The following CHRM3 variants were observed in gnomAD, a reference collection of about 807,000 sequenced individuals.
CHRM3 encodes muscarinic acetylcholine receptor M3.
A neutral mutation model predicts 41.8 loss-of-function variants in CHRM3; 11 were observed. The ratio of observed to expected loss-of-function variants is 0.26; its 90% CI spans 0.17 to 0.44. The LOEUF is 0.44. Among genes scored for constraint, CHRM3 ranks in the 20% least tolerant of loss-of-function variants. CHRM3 has a pLI of 1.00. For synonymous variants in CHRM3, 297 were observed against 301.4 expected (o/e 0.99, Z 0.15); for missense variants, 571 against 745.4 (o/e 0.77, Z 2.72).
intron 5 of CHRM3, among the ~76,000 whole-genome samples, chr1:239,722,588 G>A (rs1423699617): frequency 6.6e-6 from 1 of 151,784 alleles, no homozygotes; most frequent in Non-Finnish European, 1.5e-5. Context: ...TACTCATTAA[G>A]CACTCTGAGC....
intron 3 of CHRM3, among the ~76,000 whole-genome samples, chr1:239,580,431 CAT>C (rs1254961492): frequency 1.3e-5 from 2 of 151,918 alleles, no homozygotes; most frequent in Non-Finnish European, 2.9e-5. Context: ...GCTATTCACA[CAT>C]TTCAACTATT....
At chr1:239,503,625 A>G (rs1668383847) in intron 2 of CHRM3, among the ~76,000 whole-genome samples, 1 of 152,232 alleles carries the variant, frequency 6.6e-6, no homozygotes, top group Admixed American at 6.5e-5. Flanking sequence ...CTAAGCAAAA[A>G]GAACAAATCT....
intron 5 of CHRM3, among the ~76,000 whole-genome samples, chr1:239,682,333 T>G (rs568682566): frequency 1.3e-5 from 2 of 152,332 alleles, no homozygotes; most frequent in South Asian, 4.1e-4. Flanking sequence ...ATCCCTTATA[T>G]GTTAGAGTTG....
At position 239,404,719 on chromosome 1, in the gene CHRM3, A is replaced by AATATATATAATAT. The variant is rs1327703878; in HGVS notation, c.-521+17501_-521+17502insATATATATATATA. On this transcript the variant is annotated intron_variant, in intron 1 of 6. Coordinates refer to ENST00000676153, the MANE Select transcript of CHRM3 (RefSeq NM_001375978.1). ...CATTAAATGTATCATGCTATATCTA[A>AATATATATAATAT]ATATATATATATATATATATATATA... Among the ~76,000 whole-genome samples the AATATATATAATAT allele has an allele frequency of 8.7e-4, 85 of 97,352 alleles. 3 individuals are homozygous for AATATATATAATAT. The East Asian group carries it at 0.016, about 19-fold the overall frequency. The allele number at this position is 97,352 out of a possible 152,430, so 63.9% of individuals were successfully genotyped here. A position where few individuals can be genotyped will look rare whatever the true frequency, so the allele number is the denominator to read the frequency against.
chr1:239,584,845 T>A (rs1558340741), intron 3 of CHRM3, among the ~76,000 whole-genome samples: 1 of 152,134 alleles, frequency 6.6e-6, no homozygotes, highest in Non-Finnish European at 1.5e-5. Context: ...ATGGACATTG[T>A]GTTGGTGAGC....
At chr1:239,705,643 C>T (rs550525590) in intron 5 of CHRM3, 15 of 152,204 alleles carry the variant, frequency 9.9e-5, no homozygotes, top group African/African-American at 3.6e-4. Flanking sequence ...TGGATTAAGG[C>T]CACTCTAATA....
In CHRM3 at chr1:239,532,497, T is replaced by C. The variant is rs543892532; in HGVS notation, c.-421-13144T>C. Among the ~76,000 whole-genome samples, 14 of 150,786 alleles carry C rather than the reference T, an allele frequency of 9.3e-5. No individual in the cohort carries two copies. In the South Asian group the frequency reaches 2.3e-3, roughly 25 times the overall value. The stretch of plus-strand genomic sequence containing the variant: ...AAAATTAGCCGGACATGGTGGTGTG[T>C]GCCTGTAGTCCCAGCTACTCCGGAG... On this transcript the variant is annotated intron_variant, in intron 2 of 6. Coordinates refer to ENST00000676153, the MANE Select transcript of CHRM3 (RefSeq NM_001375978.1).
chr1:239,801,682 A>G (rs967227998), intron 5 of CHRM3, among the ~76,000 whole-genome samples: 1 of 152,192 alleles, frequency 6.6e-6, no homozygotes, highest in Non-Finnish European at 1.5e-5. Context: ...AGCTGTTACA[A>G]ATTGCATTAC....
At chr1:239,468,693 T>C (rs996046702) in intron 1 of CHRM3, among the ~76,000 whole-genome samples, 5 of 152,228 alleles carry the variant, frequency 3.3e-5, no homozygotes, top group Admixed American at 6.5e-5. Context: ...CCTATGATTT[T>C]CTCTTCAAAT....
In CHRM3 at chr1:239,396,466, C is replaced by T. The variant is rs185822767; in HGVS notation, c.-521+9239C>T. Among the ~76,000 whole-genome samples, 23 of 152,114 alleles carry T rather than the reference C, an allele frequency of 1.5e-4. No homozygotes were observed. The East Asian group carries it at 3.3e-3, about 22-fold the overall frequency. On this transcript the variant is annotated intron_variant, in intron 1 of 6. Coordinates refer to ENST00000676153, the MANE Select transcript of CHRM3 (RefSeq NM_001375978.1). ...CTCTACAAAAATTATTAAAAATCAG[C>T]TGGATTTGATTGTGCACCTGCCTGT...
At chr1:239,558,959 C>T (rs1409959696) in intron 3 of CHRM3, among the ~76,000 whole-genome samples, 3 of 152,202 alleles carry the variant, frequency 2.0e-5, no homozygotes, top group Non-Finnish European at 2.9e-5. Flanking sequence ...ACAGGAAGGG[C>T]ACCTGGAGGA....
In CHRM3 at chr1:239,479,190, C is replaced by CCACACACACACACACA. The variant is rs56202845; in HGVS notation, c.-520-13494_-520-13479dup. Among the ~76,000 whole-genome samples, 196 of 139,972 alleles carry CCACACACACACACACA rather than the reference C, an allele frequency of 1.4e-3. 2 individuals are homozygous for CCACACACACACACACA. Among genetic ancestry groups the CCACACACACACACACA allele is most frequent in the African/African-American group, 5.1e-3 (189 of 37,080 alleles). 91.8% of individuals were successfully genotyped at this position (139,972 alleles called of 152,430 possible). A position where few individuals can be genotyped will look rare whatever the true frequency, so the allele number is the denominator to read the frequency against. On this transcript the variant is annotated intron_variant, in intron 1 of 6. Coordinates refer to ENST00000676153, the MANE Select transcript of CHRM3 (RefSeq NM_001375978.1). ...CAGAGTGAAACTCCATTTCAAAAAA[C>CCACACACACACACACA]CACACACACACACACACACACACAC... is the stretch of plus-strand genomic sequence containing the variant.
Position 239,908,988 on chromosome 1 carries a change from G to A in CHRM3, c.1537G>A (p.Val513Met). 1 of 1,614,142 alleles carries A rather than the reference G, an allele frequency of 6.2e-7. No homozygotes were observed. The highest frequency in any genetic ancestry group is 8.5e-7 in the Non-Finnish European group (1 of 1,180,046). ...GACCCCATACAACATCATGGTTCTG[G>A]TGAACACCTTTTGTGACAGCTGCAT... is the stretch of plus-strand genomic sequence containing the variant. ...TWTPYNIMVL[V>M]NTFCDSCIPK... Residue 513 changes from valine to methionine, a missense_variant, in exon 7 of 7, where the codon GTG (valine) becomes ATG (methionine). By Grantham distance (21) the Val-to-Met change is conservative (BLOSUM62 1). Coordinates refer to ENST00000676153, the MANE Select transcript of CHRM3 (RefSeq NM_001375978.1). This position sits in a 1 kb window ranked among gnomAD's most constrained non-coding sequence, Gnocchi z 7.2.
intron 3 of CHRM3, among the ~76,000 whole-genome samples, chr1:239,569,289 A>G (rs1242459103): frequency 6.6e-6 from 1 of 152,202 alleles, no homozygotes; most frequent in Non-Finnish European, 1.5e-5. Flanking sequence ...AGTATGTACA[A>G]TGACAGATAA....
At chr1:239,430,594 A>G (rs540772338) in intron 1 of CHRM3, among the ~76,000 whole-genome samples, 1 of 152,158 alleles carries the variant, frequency 6.6e-6, no homozygotes, top group East Asian at 1.9e-4. Context: ...TGGTAGACCC[A>G]ATTTTAAAAA....
At chr1:239,516,627 T>G (rs920056062) in intron 2 of CHRM3, among the ~76,000 whole-genome samples, 26 of 152,218 alleles carry the variant, frequency 1.7e-4, no homozygotes, top group African/African-American at 6.0e-4. Flanking sequence ...GGAAAAGCAG[T>G]GCATGAATCT....
chr1:239,476,482 T>A (rs1355169654), intron 1 of CHRM3, among the ~76,000 whole-genome samples: 1 of 136,664 alleles, frequency 7.3e-6, no homozygotes, highest in Non-Finnish European at 1.6e-5. Flanking sequence ...AAAAAAAAAA[T>A]TGCTGGTTTC....
intron 6 of CHRM3, among the ~76,000 whole-genome samples, chr1:239,875,104 T>A (rs1162624194): frequency 6.6e-6 from 1 of 152,216 alleles, no homozygotes; most frequent in African/African-American, 2.4e-5. Context: ...TGTTGATGAT[T>A]CAGTCATTTG....
At position 239,792,537 on chromosome 1, in the gene CHRM3, T is replaced by C. The variant is rs146881280; in HGVS notation, c.-146-34715T>C. Among the ~76,000 whole-genome samples the C allele has an allele frequency of 9.5e-3, 1,449 of 152,324 alleles. 23 individuals carry two copies. The highest frequency in any genetic ancestry group is 0.032 in the African/African-American group (1,340 of 41,574). ...CTTTCAATATGAACATGCATTTTAA[T>C]GTAGACAAATAGATGAAATCATTTT... On this transcript the variant is annotated intron_variant, in intron 5 of 6. Coordinates refer to ENST00000676153, the MANE Select transcript of CHRM3 (RefSeq NM_001375978.1).
Sources: allele counts gnomAD v4.1 joint callset (sites outside exome capture counted in the v4.1 genomes callset), GRCh38; gene constraint gnomAD v4.1.1; non-coding constraint Gnocchi (gnomAD v3.1); transcripts MANE v1.5; gene names NCBI Gene and HGNC (gene_info 2026-07-23, HGNC 2026-07-21).